MICALL1: variants seen among roughly 807,000 people sequenced by gnomAD.
MICALL1 encodes the protein MICAL-like protein 1.
In MICALL1, 61 loss-of-function variants were observed where a neutral mutation model predicts 83.7. The observed-to-expected ratio is 0.73, with a 90% confidence interval of 0.59 to 0.90. The LOEUF is 0.90. Ranked by LOEUF, MICALL1 falls within the 40% of genes least tolerant of loss-of-function variation. The probability of loss-of-function intolerance (pLI) is 0.00; values close to 1 mark genes in which losing one functional copy is unlikely to be tolerated. For missense variants in MICALL1, 1,066 were observed against 1,152.0 expected (o/e 0.93, Z 1.08); for synonymous variants, 481 against 473.6 (o/e 1.02, Z -0.20).
At chr22:37,922,686 T>G (rs1472275404) in intron 6 of MICALL1, among the ~76,000 whole-genome samples, 2 of 138,302 alleles carry the variant, frequency 1.4e-5, no homozygotes, top group Non-Finnish European at 3.1e-5. Flanking sequence ...CTCGGCTCAC[T>G]GCAACTTCCA....
Position 37,932,764 on chromosome 22 carries a change from C to T in MICALL1, c.2144-34C>T, listed in dbSNP as rs767388237. 4 of 1,613,578 alleles carry T rather than the reference C, an allele frequency of 2.5e-6. No homozygotes were observed. The East Asian group carries it at 6.7e-5, about 27-fold the overall frequency. On this transcript the variant is annotated intron_variant, in intron 11 of 15. Transcript: ENST00000215957. This position sits in a 1 kb window ranked among gnomAD's most constrained non-coding sequence, Gnocchi z 4.4. ...CGGGGAACTGAGCCAGGCATGGCAG[C>T]CAGCCCTGGCCTCAGTGGGTATCTG...
In MICALL1 at chr22:37,932,845, G is replaced by A. The variant is rs141242769; in HGVS notation, c.2191G>A (p.Glu731Lys). The change falls in exon 12 of 16, where the codon GAG (glutamate) becomes AAG (lysine). Residue 731 changes from glutamate to lysine, a missense_variant. By Grantham distance (56) the Glu-to-Lys change is moderately conservative. Coordinates refer to ENST00000215957, the MANE Select transcript of MICALL1 (RefSeq NM_033386.4). This position sits in a 1 kb window ranked among gnomAD's most constrained non-coding sequence, Gnocchi z 4.4. ...MLVDWFKLIH[E>K]KHLLVRRESE... ...GGTGGACTGGTTCAAGCTCATCCAC[G>A]AGAAGCACCTACTGGTGCGGCGAGA... 218 of 1,613,996 alleles carry A rather than the reference G, an allele frequency of 1.4e-4. No individual in the cohort carries two copies. The highest frequency in any genetic ancestry group is 2.3e-4 in the South Asian group (21 of 91,090).
chr22:37,927,093 G>A (rs923036717), intron 8 of MICALL1: 5 of 377,252 alleles, frequency 1.3e-5, no homozygotes, highest in Non-Finnish European at 2.4e-5. Flanking sequence ...AGGGGCAGAG[G>A]AGGGGCCACC....
rs753303025 is a variant in MICALL1, at chr22:37,925,762, C to G, written c.1184C>G (p.Pro395Arg). The G allele has an allele frequency of 7.4e-6, 12 of 1,612,880 alleles. No individual in the cohort carries two copies. The highest frequency in any genetic ancestry group is 2.7e-5 in the African/African-American group (2 of 74,850). The stretch of plus-strand genomic sequence containing the variant: ...CCCCCAAGCAGCAGCCCGGGGCCAC[C>G]AAGCCAGGACAGCAGGCAGGTGGAG... ...PLPPSSSPGPPSQDSRQVENG... is the reference protein window; with the variant it reads ...PLPPSSSPGPRSQDSRQVENG... Residue 395 changes from proline (P) to arginine (R), a missense_variant, in exon 8 of 16, where the codon CCA becomes CGA. Physicochemically the swap from Pro to Arg is moderately radical, Grantham distance 103. Transcript: ENST00000215957.
chr22:37,924,697 G>C lies in MICALL1; in HGVS notation c.1062G>C (p.Gly354=), dbSNP rs574270808. The C allele has an allele frequency of 6.2e-7, 1 of 1,612,294 alleles. No individual in the cohort carries two copies. Among genetic ancestry groups the C allele is most frequent in the Non-Finnish European group, 8.5e-7 (1 of 1,179,132 alleles). ...AACTGCCTGTCCCCAAGCCGAGGGG[G>C]ACACCGAAGCCGTCCGAGGGGTATG... The part of the protein sequence containing the change: ...LHELPVPKPR[G]TPKPSEGTPA... The change falls in exon 7 of 16, where the codon GGG becomes GGC. Residue 354 remains glycine, a synonymous_variant. Coordinates refer to ENST00000215957, the MANE Select transcript of MICALL1 (RefSeq NM_033386.4). This position sits in a 1 kb window ranked among gnomAD's most constrained non-coding sequence, Gnocchi z 5.2.
rs1929738459 is a variant in MICALL1, at chr22:37,930,626, A to C, written c.1882-1173A>C. On this transcript the variant is annotated intron_variant, in intron 9 of 15. Transcript: ENST00000215957. The surrounding 1 kb of genome is among the most constrained non-coding windows in gnomAD (Gnocchi z 4.8). ...TGGGAAGAGTGGTTGGGAAATAGTG[A>C]CATTGCCCGTGTGGTGGGCAGGGCC... Among the ~76,000 whole-genome samples, 1 of 152,162 alleles carries C rather than the reference A, an allele frequency of 6.6e-6. No individual in the cohort carries two copies. Among genetic ancestry groups the C allele is most frequent in the Non-Finnish European group, 1.5e-5 (1 of 68,012 alleles).
At chr22:37,933,227 G>C in intron 13 of MICALL1, 115 bp downstream of exon 13, 2 of 1,067,718 alleles carry the variant, frequency 1.9e-6, no homozygotes, top group Non-Finnish European at 2.8e-6. Flanking sequence ...CTGGGGACAG[G>C]GCCAGAGGAG....
rs918783648 is a variant in MICALL1, at chr22:37,932,080, C to T, written c.2016+147C>T. On this transcript the variant is annotated intron_variant, in intron 10 of 15. Coordinates refer to ENST00000215957, the MANE Select transcript of MICALL1 (RefSeq NM_033386.4). The surrounding 1 kb of genome is among the most constrained non-coding windows in gnomAD (Gnocchi z 4.4). ...CAAGAGAGCACTCTTGGCGGCCCAA[C>T]TGGAAGGTCTAGCTTGCAGCCTGGA... 8.2e-7 allele frequency: 1 copy of T among 1,224,836 alleles called. No homozygotes were observed. Among genetic ancestry groups the T allele is most frequent in the Non-Finnish European group, 1.1e-6 (1 of 900,008 alleles). The allele number at this position is 1,224,836 out of a possible 1,614,324, so 75.9% of individuals were successfully genotyped here. A position where few individuals can be genotyped will look rare whatever the true frequency, so the allele number is the denominator to read the frequency against.
intron 3 of MICALL1, 23 bp downstream of exon 3, chr22:37,912,515 C>G: frequency 6.4e-7 from 1 of 1,573,316 alleles, no homozygotes; most frequent in African/African-American, 1.3e-5. Context: ...CTCAGCGTTT[C>G]ACGGAGGCTG....
At chr22:37,940,606 T>G in intron 15 of MICALL1, 103 bp from the exon 16 acceptor site, 2 of 1,429,700 alleles carry the variant, frequency 1.4e-6, no homozygotes, top group Non-Finnish European at 1.9e-6. Flanking sequence ...GGGGCTGGGC[T>G]GAGCCCTGCT....
intron 3 of MICALL1, among the ~76,000 whole-genome samples, chr22:37,915,645 CTTTT>C (rs34900801): frequency 3.8e-5 from 5 of 133,130 alleles, no homozygotes; most frequent in Non-Finnish European, 1.6e-5. Flanking sequence ...GATTAGTATT[CTTTT>C]TTTTTTTTTT....
At chr22:37,910,605 G>C in intron 1 of MICALL1, among the ~76,000 whole-genome samples, 1 of 152,286 alleles carries the variant, frequency 6.6e-6, no homozygotes, top group Middle Eastern at 3.4e-3. Context: ...AAGGGAGCTG[G>C]TGCCCAGACA....
Position 37,927,620 on chromosome 22 carries a change from T to C in MICALL1, c.1675T>C (p.Ser559Pro). 1.2e-6 allele frequency: 2 copies of C among 1,613,934 alleles called. No homozygotes were observed. The highest frequency in any genetic ancestry group is 2.2e-5 in the South Asian group (2 of 91,082). The part of the protein sequence containing the change: ...GNPVSLSTNS[S>P]LASSGELVEP... ...CCCTGTCAGCCTCTCTACCAACTCC[T>C]CCCTGGCCTCCTCTGGGGAACTAGT... Residue 559 changes from serine to proline, a missense_variant, in exon 9 of 16, where the codon TCC (serine) becomes CCC (proline). Physicochemically the swap from Ser to Pro is moderately conservative, Grantham distance 74 (BLOSUM62 -1). Transcript: ENST00000215957.
rs564766779 is a variant in MICALL1, at chr22:37,927,050, G to A, written c.1466-361G>A. 2.1e-4 allele frequency: 62 copies of A among 298,534 alleles called. No individual in the cohort carries two copies. In the South Asian group the frequency reaches 2.4e-3, roughly 11 times the overall value. The allele number at this position is 298,534 out of a possible 1,614,324, so 18.5% of individuals were successfully genotyped here. A position where few individuals can be genotyped will look rare whatever the true frequency, so the allele number is the denominator to read the frequency against. On this transcript the variant is annotated intron_variant, in intron 8 of 15. Transcript: ENST00000215957. ...CAGAGCTGGTGGCTGCGAGGGCTGC[G>A]TGCTCCTCCCCTCTGCCTCCGCACT...
chr22:37,934,079 C>T (rs1929948774), intron 13 of MICALL1, among the ~76,000 whole-genome samples: 1 of 152,228 alleles, frequency 6.6e-6, no homozygotes, highest in South Asian at 2.1e-4. Flanking sequence ...CTCAGAGCCA[C>T]AGCGGCGCCC....
rs1569143997 is a variant in MICALL1 at position 37,925,979 on chromosome 22, C to T, written c.1401C>T (p.Thr467=). The part of the protein sequence containing the change: ...PKSLHPWYGI[T]PTSSPKTKKR... Reference sequence around the variant, plus strand: ...CCCTGCACCCCTGGTACGGCATCACCCCTACCAGCAGCCCCAAGACAAAGA... The same window carrying T: ...CCCTGCACCCCTGGTACGGCATCACTCCTACCAGCAGCCCCAAGACAAAGA... The change falls in exon 8 of 16, where the codon ACC becomes ACT. Residue 467 remains threonine, a synonymous_variant. Transcript: ENST00000215957. The T allele has an allele frequency of 1.2e-6, 2 of 1,613,776 alleles. No individual in the cohort carries two copies. Among genetic ancestry groups the T allele is most frequent in the Admixed American group, 3.3e-5 (2 of 59,986 alleles).
chr22:37,922,597 A>ATT (rs1929132009), intron 6 of MICALL1, among the ~76,000 whole-genome samples, 171 bp downstream of exon 6: 1 of 77,156 alleles, frequency 1.3e-5, no homozygotes, highest in Non-Finnish European at 2.5e-5. Flanking sequence ...ATATATATAT[A>ATT]TATATTTTTT....
chr22:37,911,899 A>G, intron 1 of MICALL1, 53 bp from the exon 2 acceptor site: 2 of 1,585,200 alleles, frequency 1.3e-6, no homozygotes, highest in Non-Finnish European at 1.7e-6. Flanking sequence ...CCCCGCCCCT[A>G]TTTCCCAGTC....
Position 37,924,638 on chromosome 22 carries a change from C to G in MICALL1, c.1025-22C>G. 6.2e-7 allele frequency: 1 copy of G among 1,606,312 alleles called. No homozygotes were observed. Among genetic ancestry groups the G allele is most frequent in the Non-Finnish European group, 8.5e-7 (1 of 1,175,766 alleles). On this transcript the variant is annotated intron_variant, in intron 6 of 15. Coordinates refer to ENST00000215957, the MANE Select transcript of MICALL1 (RefSeq NM_033386.4). The surrounding 1 kb of genome is among the most constrained non-coding windows in gnomAD (Gnocchi z 5.2). ...CCTCCTGCTGCCCATGAAGGCCTGG[C>G]TCACTCTCCTTTCCCATCTAGGGAG...
Sources: gnomAD v4.1 joint callset for allele counts (sites outside exome capture counted in the v4.1 genomes callset) on GRCh38, gnomAD v4.1.1 for gene constraint, Gnocchi (gnomAD v3.1) non-coding constraint, MANE v1.5 for transcripts, NCBI Gene and HGNC (gene_info 2026-07-23, HGNC 2026-07-21) for gene names.